Variants in LEKR1 observed in about 807,000 individuals in gnomAD.
The protein encoded by LEKR1 is protein LEKR1.
LEKR1 carries 59 observed loss-of-function variants against 72.4 expected under a neutral mutation model. The ratio of observed to expected loss-of-function variants is 0.82; its 90% CI spans 0.66 to 1.01. The LOEUF is 1.01. LEKR1 is among the 50% of genes least tolerant of loss of function. The pLI is 0.00. For synonymous variants in LEKR1, 257 were observed against 263.2 expected, an observed-to-expected ratio of 0.98 and a Z score of 0.23; for missense variants, 728 against 759.2, an observed-to-expected ratio of 0.96 and a Z score of 0.48.
At chr3:156,857,362 A>G (rs1716197706) in intron 3 of LEKR1, among the ~76,000 whole-genome samples, 1 of 152,136 alleles carries the variant, frequency 6.6e-6, no homozygotes, top group African/African-American at 2.4e-5. Context: ...ACTCTGCACT[A>G]TTCTATTTTT....
chr3:157,011,596 A>G lies in LEKR1; in HGVS notation c.1203+90A>G. 4 of 851,140 alleles carry G rather than the reference A, an allele frequency of 4.7e-6. No homozygotes were observed. The East Asian group carries it at 1.0e-4, about 22-fold the overall frequency. The allele number at this position is 851,140 out of a possible 1,614,324, so 52.7% of individuals were successfully genotyped here. On this transcript the variant is annotated intron_variant, in intron 10 of 12. Transcript: ENST00000356539. The stretch of plus-strand genomic sequence containing the variant: ...TCAGAAGACTCTTCCGGATAGATTT[A>G]TTTGCTTCTATGCACACTTTAGATT...
At chr3:156,826,968 C>T (rs1362249874) in intron 1 of LEKR1, 3 of 155,260 alleles carry the variant, frequency 1.9e-5, no homozygotes, top group African/African-American at 4.8e-5. Context: ...AATGTCTTTT[C>T]GGTGATCTTG....
At chr3:156,944,335 A>C (rs1442270812) in intron 6 of LEKR1, among the ~76,000 whole-genome samples, 1 of 151,874 alleles carries the variant, frequency 6.6e-6, no homozygotes, top group African/African-American at 2.4e-5. Context: ...TGGTACAGGC[A>C]TACAATGTAT....
intron 6 of LEKR1, among the ~76,000 whole-genome samples, chr3:156,943,216 A>G (rs989701026): frequency 3.3e-5 from 5 of 151,976 alleles, no homozygotes; most frequent in Admixed American, 2.6e-4. Context: ...GGTAATCAGA[A>G]GAATGATATC....
chr3:157,038,346 A>G lies in LEKR1; in HGVS notation c.1669-6994A>G, dbSNP rs560288103. Among the ~76,000 whole-genome samples, 4 of 152,300 alleles carry G rather than the reference A, an allele frequency of 2.6e-5. No individual in the cohort carries two copies. The East Asian group carries it at 7.7e-4, about 29-fold the overall frequency. ...TGCTAGAAAAGAAATACAATTGGGG[A>G]GGAATATCAAGAATTTTATTTGGGA... On this transcript the variant is annotated intron_variant, in intron 12 of 12. Transcript: ENST00000356539.
intron 3 of LEKR1, among the ~76,000 whole-genome samples, chr3:156,864,420 T>G (rs1204133864): frequency 6.6e-6 from 1 of 152,046 alleles, no homozygotes; most frequent in Non-Finnish European, 1.5e-5. Flanking sequence ...ATTTTCATCT[T>G]TTCTTTCTCT....
At chr3:156,886,607 G>A (rs947804954) in intron 3 of LEKR1, among the ~76,000 whole-genome samples, 7 of 152,100 alleles carry the variant, frequency 4.6e-5, no homozygotes, top group Non-Finnish European at 4.4e-5. Flanking sequence ...CAGGAGACTG[G>A]GAGTACATGC....
chr3:157,044,292 A>G (rs1249416272), intron 12 of LEKR1, among the ~76,000 whole-genome samples: 1 of 152,222 alleles, frequency 6.6e-6, no homozygotes, highest in African/African-American at 2.4e-5. Context: ...CATTTTTGAC[A>G]TCATAAAGAC....
chr3:156,835,842 C>A (rs57472927), intron 2 of LEKR1, among the ~76,000 whole-genome samples: 2 of 149,204 alleles, frequency 1.3e-5, no homozygotes. Context: ...TCTCCCTCCC[C>A]CCAAGTCTTG....
intron 2 of LEKR1, among the ~76,000 whole-genome samples, chr3:156,831,501 T>G (rs2108527832): frequency 6.6e-6 from 1 of 152,326 alleles, no homozygotes; most frequent in African/African-American, 2.4e-5. Context: ...TAGTTTGTTC[T>G]CATGCTGTTA....
intron 3 of LEKR1, among the ~76,000 whole-genome samples, chr3:156,855,496 G>A (rs1715952520): frequency 6.6e-6 from 1 of 151,952 alleles, no homozygotes; most frequent in Non-Finnish European, 1.5e-5. Flanking sequence ...ATTTGTAGGT[G>A]CTTTTAATAT....
chr3:156,910,721 T>G (rs1202592074), intron 3 of LEKR1, among the ~76,000 whole-genome samples: 1 of 152,258 alleles, frequency 6.6e-6, no homozygotes, highest in Non-Finnish European at 1.5e-5. Context: ...AGTGTATGTG[T>G]ACCACATTTC....
intron 6 of LEKR1, among the ~76,000 whole-genome samples, chr3:156,975,039 A>G (rs1729573354): frequency 6.6e-6 from 1 of 152,306 alleles, no homozygotes; most frequent in African/African-American, 2.4e-5. Context: ...TGTGCCTGCA[A>G]CTATTCCCCT....
chr3:156,887,312 G>C (rs943239171), intron 3 of LEKR1, among the ~76,000 whole-genome samples: 2 of 151,862 alleles, frequency 1.3e-5, no homozygotes, highest in African/African-American at 4.8e-5. Context: ...TTCTTGGTGG[G>C]CCCTTGAGGT....
In LEKR1 at chr3:156,920,723, G is replaced by T. The variant is rs1430407535; in HGVS notation, c.383+29G>T. The T allele has an allele frequency of 4.2e-6, 5 of 1,193,134 alleles. No individual in the cohort carries two copies. The East Asian group carries it at 1.3e-4, about 32-fold the overall frequency. The allele number at this position is 1,193,134 out of a possible 1,614,324, so 73.9% of individuals were successfully genotyped here. ...AGATTAAAGAACTGAAAATTATAAA[G>T]ATTGAAAAGATATGCTTAATACTAA... On this transcript the variant is annotated intron_variant, in intron 4 of 12. Transcript: ENST00000356539.
At chr3:156,861,023 T>C (rs1192981594) in intron 3 of LEKR1, among the ~76,000 whole-genome samples, 1 of 152,152 alleles carries the variant, frequency 6.6e-6, no homozygotes. Context: ...TTATGTGCTA[T>C]TGGTCATGAC....
chr3:156,998,608 T>G (rs570543180), intron 9 of LEKR1, among the ~76,000 whole-genome samples: 1 of 152,286 alleles, frequency 6.6e-6, no homozygotes, highest in East Asian at 1.9e-4. Flanking sequence ...TAAAGTTAGG[T>G]GCAAGTTGCT....
At chr3:157,016,658 A>G (rs1733366407) in intron 10 of LEKR1, among the ~76,000 whole-genome samples, 1 of 152,188 alleles carries the variant, frequency 6.6e-6, no homozygotes, top group African/African-American at 2.4e-5. Flanking sequence ...AAAACCAGAA[A>G]TAGTAACACT....
rs543535966 is a variant in LEKR1 at position 156,929,167 on chromosome 3, T to G, written c.559+1563T>G. Among the ~76,000 whole-genome samples the G allele has an allele frequency of 4.6e-5, 7 of 152,140 alleles. No individual in the cohort carries two copies. The South Asian group carries it at 1.4e-3, about 32-fold the overall frequency. ...AATAAAATTTCACTGGATGGACTTT[T>G]TTTTTTTAAAGTCAAGAACTTATTT... On this transcript the variant is annotated intron_variant, in intron 5 of 12. Coordinates refer to ENST00000356539, the MANE Select transcript of LEKR1 (RefSeq NM_001004316.3).
Sources: allele counts gnomAD v4.1 joint callset (sites outside exome capture counted in the v4.1 genomes callset), GRCh38; gene constraint gnomAD v4.1.1; transcripts MANE v1.5; gene names NCBI Gene and HGNC (gene_info 2026-07-23, HGNC 2026-07-21).